Variants in SEMA5A observed in about 807,000 individuals in gnomAD.
SEMA5A encodes the protein semaphorin-5A.
Under a neutral mutation model 135.5 loss-of-function variants are expected in SEMA5A, and 55 were observed. The observed-to-expected ratio is 0.41, with a 90% CI of 0.33 to 0.51. SEMA5A has a LOEUF of 0.51. Among genes scored for constraint, SEMA5A ranks in the 20% least tolerant of loss-of-function variants. SEMA5A has a pLI of 0.37. For synonymous variants in SEMA5A, 580 were observed against 546.5 expected (o/e 1.06, Z -0.85); for missense variants, 1,290 against 1,419.9 (o/e 0.91, Z 1.47).
At chr5:9,125,996 C>G (rs1741089169) in intron 13 of SEMA5A, among the ~76,000 whole-genome samples, 2 of 152,178 alleles carry the variant, frequency 1.3e-5, no homozygotes, top group Admixed American at 6.5e-5. Flanking sequence ...CAGACTCCTG[C>G]TTGCTGTGCA....
intron 6 of SEMA5A, among the ~76,000 whole-genome samples, chr5:9,231,746 T>C (rs1244407638): frequency 6.6e-6 from 1 of 152,214 alleles, no homozygotes; most frequent in East Asian, 1.9e-4. Context: ...CATACTTAAA[T>C]GTCTATGATT....
At chr5:9,439,745 A>G (rs188883610) in intron 1 of SEMA5A, among the ~76,000 whole-genome samples, 114 of 152,362 alleles carry the variant, frequency 7.5e-4, no homozygotes, top group African/African-American at 2.4e-3. Flanking sequence ...CAGCATGGAC[A>G]GCCCACAGCC....
intron 1 of SEMA5A, among the ~76,000 whole-genome samples, chr5:9,473,176 T>C (rs1482307693): frequency 6.9e-6 from 1 of 145,842 alleles, no homozygotes; most frequent in East Asian, 2.0e-4. Context: ...GTCATAAATA[T>C]GCATATGATT....
At chr5:9,406,232 T>G (rs1437686412) in intron 2 of SEMA5A, among the ~76,000 whole-genome samples, 5 of 152,158 alleles carry the variant, frequency 3.3e-5, no homozygotes, top group Non-Finnish European at 1.5e-5. Context: ...TACTGCTAAG[T>G]CCAGCAGAGG....
At chr5:9,329,119 CCTT>C (rs927452700) in intron 4 of SEMA5A, among the ~76,000 whole-genome samples, 1 of 152,126 alleles carries the variant, frequency 6.6e-6, no homozygotes, top group Non-Finnish European at 1.5e-5. Context: ...TGGAGGAACA[CCTT>C]CTCTATGCAG....
intron 12 of SEMA5A, among the ~76,000 whole-genome samples, chr5:9,153,253 G>A (rs1030297973): frequency 6.6e-6 from 1 of 152,106 alleles, no homozygotes; most frequent in Non-Finnish European, 1.5e-5. Context: ...CTTTAGGAGT[G>A]GAATTAAACA....
At chr5:9,316,940 A>G (rs1357079488) in intron 5 of SEMA5A, among the ~76,000 whole-genome samples, 1 of 152,150 alleles carries the variant, frequency 6.6e-6, no homozygotes, top group African/African-American at 2.4e-5. Context: ...TCTGTGGCCA[A>G]CATCTCCCTA....
At chr5:9,241,975 G>T (rs1406294548) in intron 5 of SEMA5A, among the ~76,000 whole-genome samples, 3 of 152,158 alleles carry the variant, frequency 2.0e-5, no homozygotes, top group Non-Finnish European at 2.9e-5. Context: ...ACTGGCAAAA[G>T]ATAACATTAA....
chr5:9,092,225 C>G (rs1739073910), intron 16 of SEMA5A, among the ~76,000 whole-genome samples: 1 of 152,174 alleles, frequency 6.6e-6, no homozygotes, highest in Non-Finnish European at 1.5e-5. Flanking sequence ...GGTTGATGTG[C>G]ATGAGGTGCA....
intron 11 of SEMA5A, among the ~76,000 whole-genome samples, chr5:9,175,292 C>G: frequency 6.6e-6 from 1 of 152,138 alleles, no homozygotes; most frequent in East Asian, 1.9e-4. Context: ...ATCAGAGACA[C>G]AGCATGCCCT....
At chr5:9,258,015 T>G (rs944411326) in intron 5 of SEMA5A, among the ~76,000 whole-genome samples, 22 of 152,176 alleles carry the variant, frequency 1.4e-4, no homozygotes, top group African/African-American at 5.1e-4. Context: ...CAGCACCTAG[T>G]GCAAACATGC....
intron 5 of SEMA5A, chr5:9,280,770 T>A (rs932210293): frequency 2.4e-6 from 1 of 420,902 alleles, no homozygotes; most frequent in South Asian, 1.8e-5. Flanking sequence ...AGAACATCAC[T>A]GACAACAGCA....
chr5:9,108,332 C>T, intron 15 of SEMA5A, 45 bp from the exon 16 acceptor site: 1 of 1,603,898 alleles, frequency 6.2e-7, no homozygotes, highest in Non-Finnish European at 8.5e-7. Context: ...ATTAGTGCCA[C>T]TTGAAACCAC....
chr5:9,320,900 C>T (rs1415259770), intron 4 of SEMA5A, among the ~76,000 whole-genome samples: 1 of 151,940 alleles, frequency 6.6e-6, no homozygotes, highest in Non-Finnish European at 1.5e-5. Context: ...AAGAAATCTA[C>T]ACACACACAC....
At chr5:9,131,436 G>A (rs568032768) in intron 13 of SEMA5A, among the ~76,000 whole-genome samples, 37 of 151,602 alleles carry the variant, frequency 2.4e-4, no homozygotes, top group African/African-American at 8.5e-4. Flanking sequence ...GTGAAACCCC[G>A]TCTCTACTAA....
intron 16 of SEMA5A, among the ~76,000 whole-genome samples, chr5:9,107,061 G>C (rs1430728998): frequency 6.6e-6 from 1 of 152,212 alleles, no homozygotes; most frequent in Non-Finnish European, 1.5e-5. Flanking sequence ...CTTTACAGCA[G>C]CACAAAAGCA....
intron 5 of SEMA5A, among the ~76,000 whole-genome samples, chr5:9,289,174 G>A (rs938823188): frequency 2.6e-5 from 4 of 152,058 alleles, no homozygotes; most frequent in Non-Finnish European, 5.9e-5. Flanking sequence ...ACATACAGCT[G>A]TGCATGTATA....
chr5:9,181,619 C>G (rs1027853894), intron 11 of SEMA5A, among the ~76,000 whole-genome samples: 50 of 152,254 alleles, frequency 3.3e-4, no homozygotes, highest in South Asian at 2.3e-3. Context: ...TCTCCTTCCC[C>G]TTGGCTTCTC....
At chr5:9,111,879 C>A (rs1027928757) in intron 15 of SEMA5A, among the ~76,000 whole-genome samples, 1 of 152,174 alleles carries the variant, frequency 6.6e-6, no homozygotes, top group Non-Finnish European at 1.5e-5. Context: ...CTGAGAGAAG[C>A]CCCTCTTATG....
Sources: gnomAD v4.1 joint callset for allele counts (sites outside exome capture counted in the v4.1 genomes callset) on GRCh38, gnomAD v4.1.1 for gene constraint, MANE v1.5 for transcripts, NCBI Gene and HGNC (gene_info 2026-07-23, HGNC 2026-07-21) for gene names.